TEKT5: variants seen among roughly 807,000 people sequenced by gnomAD.
The protein encoded by TEKT5 is tektin-5.
A neutral mutation model predicts 48.7 loss-of-function variants in TEKT5; 52 were observed. That is an observed-to-expected ratio of 1.07 (90% confidence interval 0.86 to 1.35). TEKT5 has a LOEUF of 1.35. Ranked by LOEUF, TEKT5 falls within the 40% of genes most tolerant of loss-of-function variation. TEKT5 has a pLI of 0.00. For missense variants in TEKT5, 831 were observed against 641.6 expected (o/e 1.30, Z -3.19); for synonymous variants, 318 against 267.6 (o/e 1.19, Z -1.84).
intron 5 of TEKT5, among the ~76,000 whole-genome samples, chr16:10,652,915 C>A: frequency 6.7e-6 from 1 of 148,976 alleles, no homozygotes; most frequent in South Asian, 2.1e-4. Flanking sequence ...CAGGCAGAGA[C>A]ACACACACAC....
chr16:10,646,134 CAA>C (rs771452656), intron 5 of TEKT5, among the ~76,000 whole-genome samples: 5 of 136,004 alleles, frequency 3.7e-5, no homozygotes, highest in Non-Finnish European at 4.8e-5. Context: ...GACTCTGTCT[CAA>C]AAAAAAAAAA....
intron 4 of TEKT5, among the ~76,000 whole-genome samples, chr16:10,681,490 G>C (rs943898096): frequency 6.6e-6 from 1 of 152,092 alleles, no homozygotes; most frequent in Non-Finnish European, 1.5e-5. Flanking sequence ...GGGATTACAG[G>C]GGTAAGCCAA....
At chr16:10,629,080 G>A (rs545819903) in intron 6 of TEKT5, among the ~76,000 whole-genome samples, 13 of 152,250 alleles carry the variant, frequency 8.5e-5, no homozygotes, top group African/African-American at 2.9e-4. Context: ...TTAACTGGTG[G>A]CTTCCAGAGG....
intron 6 of TEKT5, among the ~76,000 whole-genome samples, chr16:10,629,306 AG>A (rs1311727453): frequency 6.6e-6 from 1 of 150,396 alleles, no homozygotes; most frequent in African/African-American, 2.5e-5. Flanking sequence ...GCTGGAGTGC[AG>A]TGGTGCAATC....
intron 5 of TEKT5, among the ~76,000 whole-genome samples, chr16:10,652,540 T>TAC (rs367639631): frequency 0.074 from 1,074 of 14,584 alleles, 33 homozygotes; most frequent in Middle Eastern, 0.33. Context: ...CAGGCAGACA[T>TAC]ACACACACAC....
At chr16:10,628,134 T>C (rs73507913) in intron 6 of TEKT5, among the ~76,000 whole-genome samples, 2,888 of 152,256 alleles carry the variant, frequency 0.019, 92 homozygotes, top group African/African-American at 0.066. Context: ...GCATGAGCTA[T>C]GGTGCCCGAC....
In TEKT5 at chr16:10,694,621, G is replaced by C. The variant is rs748422232; in HGVS notation, c.253C>G (p.Leu85Val). Residue 85 changes from leucine to valine, a missense_variant, in exon 1 of 7, where the codon CTC (leucine) becomes GTC (valine). Physicochemically the swap from Leu to Val is conservative, Grantham distance 32. Transcript: ENST00000283025. ...PTILPTLRSA[L>V]FSRYSPHDWD... Reference sequence around the variant, plus strand: ...TCGTGGGGGCTATAGCGAGAGAAGAGTGCGGAGCGCAGTGTGGGCAGGATG... The same window carrying C: ...TCGTGGGGGCTATAGCGAGAGAAGACTGCGGAGCGCAGTGTGGGCAGGATG... 2.4e-5 allele frequency: 38 copies of C among 1,612,326 alleles called. No individual in the cohort carries two copies. The South Asian group carries it at 3.7e-4, about 16-fold the overall frequency.
chr16:10,679,172 C>CA (rs377631743), intron 4 of TEKT5, among the ~76,000 whole-genome samples: 66 of 152,064 alleles, frequency 4.3e-4, no homozygotes, highest in African/African-American at 1.6e-3. Context: ...AGTAAGCGCC[C>CA]AAAAAATGTT....
At chr16:10,675,384 G>A (rs532242374) in intron 5 of TEKT5, among the ~76,000 whole-genome samples, 13 of 152,232 alleles carry the variant, frequency 8.5e-5, no homozygotes, top group East Asian at 5.8e-4. Flanking sequence ...AGGACTCCAA[G>A]AGCCAACCCA....
intron 3 of TEKT5, among the ~76,000 whole-genome samples, 193 bp downstream of exon 3, chr16:10,689,060 G>A (rs557125078): frequency 2.0e-5 from 3 of 151,996 alleles, no homozygotes; most frequent in East Asian, 3.9e-4. Flanking sequence ...TTACACCAGC[G>A]AAACTGGCAG....
chr16:10,661,991 C>A (rs1486417749), intron 5 of TEKT5, among the ~76,000 whole-genome samples: 1 of 152,236 alleles, frequency 6.6e-6, no homozygotes, highest in Non-Finnish European at 1.5e-5. Flanking sequence ...ACCCTACCAT[C>A]TGCCTAGCCA....
At chr16:10,630,949 C>A (rs1219753500) in intron 6 of TEKT5, among the ~76,000 whole-genome samples, 3 of 150,202 alleles carry the variant, frequency 2.0e-5, no homozygotes, top group African/African-American at 7.4e-5. Context: ...AGGTTGCAGC[C>A]TGTCATCCCA....
At chr16:10,694,009 T>C (rs1899027919) in intron 1 of TEKT5, among the ~76,000 whole-genome samples, 1 of 152,094 alleles carries the variant, frequency 6.6e-6, no homozygotes. Context: ...AGCATGTGCT[T>C]TAAGGACCAG....
Position 10,689,312 on chromosome 16 carries a change from C to A in TEKT5, c.660G>T (p.Leu220Phe). The A allele has an allele frequency of 1.9e-6, 3 of 1,613,306 alleles. No homozygotes were observed. The highest frequency in any genetic ancestry group is 2.5e-6 in the Non-Finnish European group (3 of 1,179,700). ...TCATCTGTTCTTGGCAACATTTTAG[C>A]AAATCCACTTCCTGAAATGAAAAAT... Reference protein sequence around the residue: ...VEKNLIREVDLLKCCQEQMRK... With the variant: ...VEKNLIREVDFLKCCQEQMRK... Residue 220 changes from leucine to phenylalanine, a missense_variant, in exon 3 of 7, where the codon TTG (leucine) becomes TTT (phenylalanine). Physicochemically the swap from Leu to Phe is conservative, Grantham distance 22. Transcript: ENST00000283025.
chr16:10,653,997 A>C (rs927208878), intron 5 of TEKT5, among the ~76,000 whole-genome samples: 1 of 151,312 alleles, frequency 6.6e-6, no homozygotes, highest in East Asian at 1.9e-4. Context: ...TGTGTGTGTG[A>C]ACGTGTGTGT....
intron 5 of TEKT5, among the ~76,000 whole-genome samples, chr16:10,644,205 T>C (rs1225592546): frequency 6.6e-6 from 1 of 152,204 alleles, no homozygotes; most frequent in Non-Finnish European, 1.5e-5. Context: ...TCCTTTCCCA[T>C]CTTTTACGTC....
chr16:10,636,641 C>A (rs973073604), intron 5 of TEKT5, among the ~76,000 whole-genome samples: 3 of 141,654 alleles, frequency 2.1e-5, no homozygotes, highest in Non-Finnish European at 4.6e-5. Context: ...CTAAGCCAAT[C>A]TCTAAGCCAG....
At chr16:10,654,933 T>TCCC (rs1898233105) in intron 5 of TEKT5, among the ~76,000 whole-genome samples, 2 of 49,156 alleles carry the variant, frequency 4.1e-5, no homozygotes, top group African/African-American at 8.2e-5. Context: ...CTCCCCCCCC[T>TCCC]CCCCTCCCCC....
chr16:10,678,027 A>G (rs1387848543), intron 4 of TEKT5, among the ~76,000 whole-genome samples: 1 of 152,222 alleles, frequency 6.6e-6, no homozygotes, highest in Non-Finnish European at 1.5e-5. Flanking sequence ...TTCCTGGCAG[A>G]GCATGTAAAT....
Sources: gnomAD v4.1 joint callset for allele counts (sites outside exome capture counted in the v4.1 genomes callset) on GRCh38, gnomAD v4.1.1 for gene constraint, MANE v1.5 for transcripts, NCBI Gene and HGNC (gene_info 2026-07-23, HGNC 2026-07-21) for gene names.